The following EPB41L4A variants were observed in gnomAD, a reference collection of about 807,000 sequenced individuals.
The protein encoded by EPB41L4A is band 4.1-like protein 4A.
Under a neutral mutation model 108.6 loss-of-function variants are expected in EPB41L4A, and 100 were observed. The observed-to-expected ratio is 0.92, with a 90% confidence interval of 0.78 to 1.09. The LOEUF is 1.09. Ranked by LOEUF, EPB41L4A falls within the 50% of genes least tolerant of loss-of-function variation. The pLI is 0.00. For missense variants in EPB41L4A, 1,030 were observed against 842.7 expected, an observed-to-expected ratio of 1.22 and a Z score of -2.75; for synonymous variants, 319 against 289.0, an observed-to-expected ratio of 1.10 and a Z score of -1.05.
rs1324434811 is a variant in EPB41L4A at position 112,215,771 on chromosome 5, AAAAAAAC to A, written c.1088-5796_1088-5790del. On this transcript the variant is annotated intron_variant, in intron 12 of 22. Coordinates refer to ENST00000261486, the MANE Select transcript of EPB41L4A (RefSeq NM_022140.5). ...GAGTGAGACTCCATCTCAAAAAAAA[AAAAAAAC>A]AAAAAAAACAAAAAAAAAACAGACA... Among the ~76,000 whole-genome samples the A allele has an allele frequency of 3.7e-4, 55 of 147,116 alleles. 1 individual carries two copies. The highest frequency in any genetic ancestry group is 8.2e-4 in the Admixed American group (12 of 14,626).
intron 1 of EPB41L4A, among the ~76,000 whole-genome samples, chr5:112,375,605 T>C (rs966032912): frequency 2.0e-5 from 3 of 152,180 alleles, no homozygotes; most frequent in Admixed American, 6.5e-5. Context: ...TCTTCAATGA[T>C]CAGTCATAAA....
upstream of EPB41L4A, chr5:112,419,752 T>G: frequency 2.2e-6 from 1 of 456,748 alleles, no homozygotes; most frequent in Middle Eastern, 3.3e-4. Context: ...GGCAGCAGGC[T>G]CCTTACCCAG....
intron 1 of EPB41L4A, among the ~76,000 whole-genome samples, chr5:112,408,989 T>A (rs1202396042): frequency 2.0e-5 from 3 of 152,114 alleles, no homozygotes; most frequent in African/African-American, 7.2e-5. Flanking sequence ...AAAGCATTAT[T>A]AAATTAAATG....
At chr5:112,169,156 G>A in intron 20 of EPB41L4A, 51 bp from the exon 21 acceptor site, 1 of 1,312,146 alleles carries the variant, frequency 7.6e-7, no homozygotes, top group Non-Finnish European at 1.1e-6. Context: ...GTCAGAAAAG[G>A]AAAAGTAGGA....
chr5:112,283,581 G>A (rs577897441), intron 2 of EPB41L4A, among the ~76,000 whole-genome samples: 11 of 152,186 alleles, frequency 7.2e-5, no homozygotes, highest in Non-Finnish European at 1.2e-4. Flanking sequence ...CCTGTTTTAA[G>A]GAATACATCC....
chr5:112,266,726 C>G (rs930595777), intron 4 of EPB41L4A, among the ~76,000 whole-genome samples: 1 of 152,222 alleles, frequency 6.6e-6, no homozygotes, highest in African/African-American at 2.4e-5. Flanking sequence ...ATTACTGCCA[C>G]TGCCACCACA....
chr5:112,230,374 T>G (rs1748802143), intron 12 of EPB41L4A, among the ~76,000 whole-genome samples: 1 of 151,584 alleles, frequency 6.6e-6, no homozygotes, highest in Admixed American at 6.6e-5. Flanking sequence ...CTTTTCACCA[T>G]ATCCACACCA....
chr5:112,234,200 T>C (rs7722289), intron 12 of EPB41L4A, among the ~76,000 whole-genome samples: 32,311 of 146,836 alleles, frequency 0.22, 4,205 homozygotes, highest in Non-Finnish European at 0.3. Flanking sequence ...TAAAATAAAA[T>C]AAAATAAAAT....
At chr5:112,207,520 T>C (rs1762529127) in intron 13 of EPB41L4A, among the ~76,000 whole-genome samples, 1 of 152,174 alleles carries the variant, frequency 6.6e-6, no homozygotes, top group African/African-American at 2.4e-5. Flanking sequence ...TCACAAACTA[T>C]GTATCTGACA....
At chr5:112,275,177 C>G (rs1410484131) in intron 4 of EPB41L4A, 149 bp downstream of exon 4, 1 of 968,336 alleles carries the variant, frequency 1.0e-6, no homozygotes, top group African/African-American at 1.7e-5. Flanking sequence ...TCATGCAATG[C>G]TAGTTTAAAT....
At chr5:112,175,107 AC>A (rs1760794646) in intron 18 of EPB41L4A, 1 of 152,278 alleles carries the variant, frequency 6.6e-6, no homozygotes, top group Admixed American at 6.5e-5. Flanking sequence ...GTAACTGAGA[AC>A]ATCGCCCTGA....
At chr5:112,362,299 G>A (rs1456202369) in intron 1 of EPB41L4A, among the ~76,000 whole-genome samples, 1 of 52,016 alleles carries the variant, frequency 1.9e-5, no homozygotes, top group Admixed American at 1.8e-4. Flanking sequence ...TTTTTTTTTT[G>A]AGATGGAGTC....
intron 9 of EPB41L4A, among the ~76,000 whole-genome samples, chr5:112,250,056 T>C (rs1315091799): frequency 1.3e-5 from 2 of 152,276 alleles, no homozygotes; most frequent in African/African-American, 4.8e-5. Flanking sequence ...GTATGTAATA[T>C]GGTTACGTAT....
intron 2 of EPB41L4A, among the ~76,000 whole-genome samples, chr5:112,290,334 T>C (rs956419800): frequency 2.6e-5 from 4 of 152,212 alleles, no homozygotes; most frequent in African/African-American, 9.6e-5. Context: ...TTTTTAAACA[T>C]GCCTTCCTGC....
intron 1 of EPB41L4A, among the ~76,000 whole-genome samples, chr5:112,397,412 TCTA>T (rs1283364124): frequency 3.3e-5 from 5 of 152,220 alleles, no homozygotes; most frequent in Non-Finnish European, 4.4e-5. Context: ...GTACACAGTA[TCTA>T]CTAAGCACCA....
intron 1 of EPB41L4A, among the ~76,000 whole-genome samples, chr5:112,323,262 G>A (rs747553677): frequency 8.5e-5 from 13 of 152,142 alleles, no homozygotes; most frequent in African/African-American, 1.2e-4. Flanking sequence ...TGAGATGAAA[G>A]AAGGGATAAT....
chr5:112,375,356 C>CA (rs1044112653), intron 1 of EPB41L4A, among the ~76,000 whole-genome samples: 21 of 143,114 alleles, frequency 1.5e-4, no homozygotes, highest in African/African-American at 5.1e-4. Context: ...CACACACACA[C>CA]CCCTTCCTCT....
chr5:112,393,355 A>G (rs974341775), intron 1 of EPB41L4A, among the ~76,000 whole-genome samples: 6 of 152,186 alleles, frequency 3.9e-5, no homozygotes, highest in African/African-American at 1.4e-4. Flanking sequence ...AAGACTAATA[A>G]AGAAGAAAAG....
chr5:112,315,078 G>C (rs1314314079), intron 1 of EPB41L4A, among the ~76,000 whole-genome samples: 1 of 152,154 alleles, frequency 6.6e-6, no homozygotes, highest in Non-Finnish European at 1.5e-5. Flanking sequence ...TCCCATTTCA[G>C]GTTTCAGGAG....
Sources: allele counts gnomAD v4.1 joint callset (sites outside exome capture counted in the v4.1 genomes callset), GRCh38; gene constraint gnomAD v4.1.1; transcripts MANE v1.5; gene names NCBI Gene and HGNC (gene_info 2026-07-23, HGNC 2026-07-21).